GLDC: variants seen among roughly 807,000 people sequenced by gnomAD.
GLDC encodes glycine decarboxylase.
A neutral mutation model predicts 121.3 loss-of-function variants in GLDC; 104 were observed. The ratio of observed to expected loss-of-function variants is 0.86; its 90% confidence interval spans 0.73 to 1.01. GLDC has a LOEUF of 1.01. GLDC is among the 50% of genes least tolerant of loss of function. The pLI is 0.00. For synonymous variants in GLDC, 546 were observed against 480.6 expected, an observed-to-expected ratio of 1.14 and a Z score of -1.78; for missense variants, 1,429 against 1,306.6, an observed-to-expected ratio of 1.09 and a Z score of -1.44.
intron 2 of GLDC, among the ~76,000 whole-genome samples, chr9:6,644,063 G>GAAAAAA (rs1819687467): frequency 1.3e-5 from 1 of 77,504 alleles, no homozygotes; most frequent in East Asian, 3.9e-4. Flanking sequence ...AAAAAAAAAA[G>GAAAAAA]AAAAGAAAAG....
At chr9:6,551,505 C>G (rs1237861833) in intron 20 of GLDC, among the ~76,000 whole-genome samples, 1 of 152,130 alleles carries the variant, frequency 6.6e-6, no homozygotes, top group East Asian at 1.9e-4. Flanking sequence ...CCCAGAGTAC[C>G]TCACATGTGA....
At chr9:6,594,529 C>G (rs1818449686) in intron 9 of GLDC, among the ~76,000 whole-genome samples, 1 of 152,098 alleles carries the variant, frequency 6.6e-6, no homozygotes, top group Non-Finnish European at 1.5e-5. Flanking sequence ...AGCCCTGTCT[C>G]TACCAAAAAT....
intron 19 of GLDC, 144 bp downstream of exon 19, chr9:6,554,525 C>T (rs1587923113): frequency 1.4e-6 from 1 of 709,392 alleles, no homozygotes; most frequent in East Asian, 2.7e-5. Context: ...CATTTTGCTG[C>T]TCCTCCCCCA....
In GLDC at chr9:6,558,597, T is replaced by C. The variant is rs1563836857; in HGVS notation, c.2014A>G (p.Lys672Glu). 6.2e-7 allele frequency: 1 copy of C among 1,614,242 alleles called. No homozygotes were observed. Among genetic ancestry groups the C allele is most frequent in the South Asian group, 1.1e-5 (1 of 91,086 alleles). ...GMKIQPVEVD[K>E]YGNIDAVHLK... Reference sequence around the variant, plus strand: ...TGAACTGCATCGATATTCCCATATTTATCCACCTCCACAGGCTGAATCTTC... The same window carrying C: ...TGAACTGCATCGATATTCCCATATTCATCCACCTCCACAGGCTGAATCTTC... The change falls in exon 17 of 25, where the codon AAA becomes GAA. Residue 672 changes from lysine (K) to glutamate (E), a missense_variant. Lys to Glu is a moderately conservative substitution (Grantham distance 56). Coordinates refer to ENST00000321612, the MANE Select transcript of GLDC (RefSeq NM_000170.3).
chr9:6,610,521 A>C (rs1478953527), intron 3 of GLDC, among the ~76,000 whole-genome samples, 165 bp from the exon 4 acceptor site: 3 of 152,232 alleles, frequency 2.0e-5, no homozygotes, highest in African/African-American at 4.8e-5. Context: ...GCTTAGAATT[A>C]AATCATAGTA....
At chr9:6,605,109 C>T in intron 6 of GLDC, 22 bp downstream of exon 6, 1 of 1,609,616 alleles carries the variant, frequency 6.2e-7, no homozygotes, top group Non-Finnish European at 8.5e-7. Flanking sequence ...CCACGGACCC[C>T]CCACAAGAAA....
At chr9:6,541,236 C>T (rs921354027) in intron 21 of GLDC, 88 of 152,216 alleles carry the variant, frequency 5.8e-4, no homozygotes, top group African/African-American at 2.1e-3. Context: ...CAACCATCAT[C>T]AGGAATAAAC....
intron 22 of GLDC, among the ~76,000 whole-genome samples, chr9:6,539,369 C>T (rs1160265634): frequency 1.3e-5 from 2 of 152,052 alleles, no homozygotes; most frequent in African/African-American, 4.8e-5. Context: ...GTCCCAGCTA[C>T]GTGGGAGGCT....
At chr9:6,603,034 C>G (rs1345370468) in intron 7 of GLDC, among the ~76,000 whole-genome samples, 1 of 151,958 alleles carries the variant, frequency 6.6e-6, no homozygotes, top group African/African-American at 2.4e-5. Flanking sequence ...TTGAGACCAG[C>G]CTGGCCAACA....
intron 8 of GLDC, among the ~76,000 whole-genome samples, chr9:6,597,178 G>C (rs1291575711): frequency 1.3e-5 from 2 of 152,210 alleles, no homozygotes; most frequent in Non-Finnish European, 2.9e-5. Flanking sequence ...AATCCAGGGA[G>C]ACAGAAAGTA....
intron 15 of GLDC, among the ~76,000 whole-genome samples, chr9:6,579,047 T>C (rs1029378652): frequency 5.3e-5 from 8 of 152,204 alleles, no homozygotes; most frequent in African/African-American, 1.9e-4. Flanking sequence ...TGTTTTTAAA[T>C]TTGTTGACAC....
chr9:6,597,068 C>T (rs1818506264), intron 8 of GLDC, among the ~76,000 whole-genome samples: 1 of 152,290 alleles, frequency 6.6e-6, no homozygotes, highest in African/African-American at 2.4e-5. Context: ...CACATTCATG[C>T]TACAATATGG....
chr9:6,609,573 G>T (rs538157478), intron 4 of GLDC, among the ~76,000 whole-genome samples: 1 of 152,068 alleles, frequency 6.6e-6, no homozygotes, highest in African/African-American at 2.4e-5. Flanking sequence ...TGTGTGTTAT[G>T]GGGGAGATCC....
chr9:6,589,336 G>C, intron 11 of GLDC, 44 bp from the exon 12 acceptor site: 2 of 1,209,340 alleles, frequency 1.7e-6, no homozygotes, highest in Non-Finnish European at 2.5e-6. Context: ...ACTGTGCCTG[G>C]AGCCACATGT....
intron 15 of GLDC, among the ~76,000 whole-genome samples, chr9:6,583,796 C>T (rs566836670): frequency 4.6e-5 from 7 of 152,128 alleles, no homozygotes; most frequent in African/African-American, 1.2e-4. Context: ...TCCACTTATA[C>T]GAGGTTCCTA....
At chr9:6,592,358 C>A in intron 10 of GLDC, 135 bp from the exon 11 acceptor site, 1 of 708,532 alleles carries the variant, frequency 1.4e-6, no homozygotes, top group African/African-American at 1.7e-5. Flanking sequence ...CAATTATCTC[C>A]ACGCTAAGGC....
At chr9:6,639,526 G>A (rs972342882) in intron 2 of GLDC, 20 of 802,296 alleles carry the variant, frequency 2.5e-5, no homozygotes, top group African/African-American at 8.4e-5. Flanking sequence ...ACCCTGATTC[G>A]GCCTGATGGA....
At chr9:6,576,521 C>A (rs1470124550) in intron 15 of GLDC, among the ~76,000 whole-genome samples, 3 of 152,050 alleles carry the variant, frequency 2.0e-5, no homozygotes, top group Non-Finnish European at 4.4e-5. Context: ...GGCTGGGGTG[C>A]AGTGGTGCGA....
At chr9:6,570,015 A>G (rs1308524441) in intron 15 of GLDC, among the ~76,000 whole-genome samples, 1 of 152,202 alleles carries the variant, frequency 6.6e-6, no homozygotes, top group African/African-American at 2.4e-5. Flanking sequence ...CTAACTTTAT[A>G]GACACCATAA....
Sources: allele counts gnomAD v4.1 joint callset (sites outside exome capture counted in the v4.1 genomes callset), GRCh38; gene constraint gnomAD v4.1.1; transcripts MANE v1.5; gene names NCBI Gene and HGNC (gene_info 2026-07-23, HGNC 2026-07-21).